Variants in EYS observed in about 807,000 individuals in gnomAD.
EYS encodes the protein EGF-like photoreceptor maintenance factor, also known as protein eyes shut homolog.
A neutral mutation model predicts 282.1 loss-of-function variants in EYS; 250 were observed. That is an observed-to-expected ratio of 0.89 (90% CI 0.80 to 0.98). The LOEUF (loss-of-function observed/expected upper bound fraction) is 0.98. EYS is among the 50% of genes least tolerant of loss of function. The pLI is 0.00. For missense variants in EYS, 4,016 were observed against 3,709.0 expected (o/e 1.08, Z -2.15); for synonymous variants, 1,355 against 1,282.9 (o/e 1.06, Z -1.20).
chr6:64,416,277 A>G (rs1365512499), intron 28 of EYS, among the ~76,000 whole-genome samples: 1 of 152,176 alleles, frequency 6.6e-6, no homozygotes, highest in Non-Finnish European at 1.5e-5. Flanking sequence ...TTCTACATTT[A>G]TAATCAAAAA....
At chr6:64,796,824 C>T (rs2150004734) in intron 22 of EYS, among the ~76,000 whole-genome samples, 1 of 152,190 alleles carries the variant, frequency 6.6e-6, no homozygotes, top group East Asian at 1.9e-4. Flanking sequence ...TTTTGTGTGA[C>T]ACAAAGATGT....
intron 26 of EYS, among the ~76,000 whole-genome samples, chr6:64,457,124 A>G (rs756266560): frequency 2.4e-4 from 37 of 151,134 alleles, no homozygotes; most frequent in Non-Finnish European, 4.7e-4. Context: ...TTATTTATTA[A>G]CTCCTTAGTT....
At chr6:64,562,785 A>T (rs2149812735) in intron 26 of EYS, among the ~76,000 whole-genome samples, 1 of 151,982 alleles carries the variant, frequency 6.6e-6, no homozygotes, top group East Asian at 1.9e-4. Flanking sequence ...TGGTAACACA[A>T]TTTTTAGTAT....
chr6:65,387,957 C>T (rs1192724265), intron 7 of EYS, among the ~76,000 whole-genome samples: 3 of 151,928 alleles, frequency 2.0e-5, no homozygotes, highest in Non-Finnish European at 4.4e-5. Flanking sequence ...TATTCCGCTA[C>T]TTGGGCAAAA....
intron 7 of EYS, among the ~76,000 whole-genome samples, chr6:65,389,691 A>C (rs1208309895): frequency 2.0e-5 from 3 of 152,108 alleles, no homozygotes; most frequent in South Asian, 2.1e-4. Context: ...GAAATCAAAG[A>C]GTAATGTAAA....
At chr6:64,417,081 G>GAACCATTACTTC (rs1774079646) in intron 28 of EYS, among the ~76,000 whole-genome samples, 1 of 152,202 alleles carries the variant, frequency 6.6e-6, no homozygotes, top group Non-Finnish European at 1.5e-5. Context: ...AATGTTGACT[G>GAACCATTACTTC]AACCATTACT....
chr6:64,345,700 T>A (rs1336733489), intron 29 of EYS, among the ~76,000 whole-genome samples: 3 of 151,992 alleles, frequency 2.0e-5, no homozygotes, highest in Admixed American at 2.0e-4. Flanking sequence ...AAGTGACAAA[T>A]GGGATCTAAT....
chr6:63,726,243 T>C (rs191145038), intron 42 of EYS, among the ~76,000 whole-genome samples: 29 of 152,296 alleles, frequency 1.9e-4, no homozygotes, highest in Middle Eastern at 3.4e-3. Context: ...CATAGTACTA[T>C]CGTGCATGGC....
rs113522998 is a variant in EYS at position 65,695,731 on chromosome 6, T to C, written c.-448+11404A>G. Among the ~76,000 whole-genome samples the C allele has an allele frequency of 9.9e-5, 15 of 152,136 alleles. 2 individuals are homozygous for C. The highest frequency in any genetic ancestry group is 3.6e-4 in the African/African-American group (15 of 41,570). ...TAAATACATGCACATACAGGTAATA[T>C]GGCTCTGTCAAAAAGTTGATTTTTT... On this transcript the variant is annotated intron_variant, in intron 1 of 42. Coordinates refer to ENST00000503581, the MANE Select transcript of EYS (RefSeq NM_001142800.2).
chr6:64,338,029 G>A (rs933997888), intron 29 of EYS, among the ~76,000 whole-genome samples: 5 of 151,838 alleles, frequency 3.3e-5, no homozygotes, highest in African/African-American at 1.2e-4. Context: ...CATAATACTG[G>A]ATGGGGAAAA....
chr6:65,533,960 T>C (rs1490343898), intron 2 of EYS, among the ~76,000 whole-genome samples: 3 of 152,034 alleles, frequency 2.0e-5, no homozygotes, highest in African/African-American at 7.2e-5. Flanking sequence ...TGATAGACAA[T>C]AACATTACCC....
chr6:64,928,794 G>T (rs1283370993), intron 15 of EYS, among the ~76,000 whole-genome samples: 1 of 151,946 alleles, frequency 6.6e-6, no homozygotes, highest in African/African-American at 2.4e-5. Context: ...ATGGTTCTAT[G>T]TGAAATAATG....
intron 26 of EYS, among the ~76,000 whole-genome samples, chr6:64,452,115 T>G (rs1562003280): frequency 6.6e-6 from 1 of 152,116 alleles, no homozygotes; most frequent in Non-Finnish European, 1.5e-5. Context: ...AAACCCCTCG[T>G]CTCAGCCCAA....
chr6:64,603,285 C>T (rs1766819824), intron 24 of EYS, among the ~76,000 whole-genome samples: 2 of 152,134 alleles, frequency 1.3e-5, no homozygotes, highest in Admixed American at 1.3e-4. Flanking sequence ...TCTCTTCTTT[C>T]TTATCCTACT....
Position 63,720,589 on chromosome 6 carries a change from T to C in EYS, c.*7A>G. 1.1e-5 allele frequency: 16 copies of C among 1,455,454 alleles called. No homozygotes were observed. The highest frequency in any genetic ancestry group is 1.5e-5 in the Non-Finnish European group (16 of 1,096,178). The allele number at this position is 1,455,454 out of a possible 1,614,324, so 90.2% of individuals were successfully genotyped here. On this transcript the variant is annotated 3_prime_UTR_variant, in exon 43 of 43. Coordinates refer to ENST00000503581, the MANE Select transcript of EYS (RefSeq NM_001142800.2). The stretch of plus-strand genomic sequence containing the variant: ...GTATAGTGTGTACTAAAATCTCTAG[T>C]GTTAACTTATGTAACCTCATTTTGT...
intron 16 of EYS, among the ~76,000 whole-genome samples, chr6:64,908,541 A>G (rs1767900408): frequency 6.6e-6 from 1 of 151,932 alleles, no homozygotes; most frequent in Non-Finnish European, 1.5e-5. Flanking sequence ...CCAGTGTCCA[A>G]GAAGAATGAG....
chr6:65,172,688 T>A, intron 12 of EYS, among the ~76,000 whole-genome samples: 1 of 151,550 alleles, frequency 6.6e-6, no homozygotes, highest in South Asian at 2.1e-4. Context: ...TTGTATTTTG[T>A]TAACAGTTTC....
chr6:65,111,867 A>G (rs1227660454), intron 12 of EYS, among the ~76,000 whole-genome samples: 2 of 152,096 alleles, frequency 1.3e-5, no homozygotes, highest in Non-Finnish European at 2.9e-5. Context: ...AAAGTTACCC[A>G]TGTTAACTTT....
intron 26 of EYS, among the ~76,000 whole-genome samples, chr6:64,524,201 T>C (rs1777845823): frequency 6.6e-6 from 1 of 151,680 alleles, no homozygotes; most frequent in South Asian, 2.1e-4. Flanking sequence ...TTCTTTGATA[T>C]ATAGATATAT....
Sources: gnomAD v4.1 joint callset for allele counts (sites outside exome capture counted in the v4.1 genomes callset) on GRCh38, gnomAD v4.1.1 for gene constraint, MANE v1.5 for transcripts, NCBI Gene and HGNC (gene_info 2026-07-23, HGNC 2026-07-21) for gene names.